COL24A1: variants seen among roughly 807,000 people sequenced by gnomAD.
COL24A1 encodes collagen type XXIV alpha 1 chain.
A neutral mutation model predicts 253.9 loss-of-function variants in COL24A1; 224 were observed. The observed-to-expected ratio is 0.88, with a 90% confidence interval of 0.79 to 0.99. COL24A1 has a LOEUF of 0.99. Ranked by LOEUF, COL24A1 falls within the 50% of genes least tolerant of loss-of-function variation. The probability of loss-of-function intolerance (pLI) is 0.00; values close to 1 mark genes in which losing one functional copy is unlikely to be tolerated. For synonymous variants in COL24A1, 685 were observed against 673.7 expected, an observed-to-expected ratio of 1.02 and a Z score of -0.26; for missense variants, 2,131 against 2,068.5, an observed-to-expected ratio of 1.03 and a Z score of -0.59.
At chr1:86,048,432 AC>A (rs761297879) in intron 11 of COL24A1, among the ~76,000 whole-genome samples, 11 of 152,200 alleles carry the variant, frequency 7.2e-5, no homozygotes, top group Admixed American at 2.6e-4. Flanking sequence ...AGGACACAGT[AC>A]CCGTGAGGGG....
intron 22 of COL24A1, among the ~76,000 whole-genome samples, chr1:85,969,420 C>T (rs1317618692): frequency 6.6e-6 from 1 of 151,704 alleles, no homozygotes; most frequent in Non-Finnish European, 1.5e-5. Flanking sequence ...GCCTGATCAA[C>T]ATGGTAAAAC....
At chr1:85,996,160 G>C (rs1277810736) in intron 19 of COL24A1, among the ~76,000 whole-genome samples, 1 of 152,118 alleles carries the variant, frequency 6.6e-6, no homozygotes, top group Non-Finnish European at 1.5e-5. Context: ...TGTTTCAGAT[G>C]CTCCTTTTTG....
chr1:85,868,130 A>T (rs1679998356), intron 37 of COL24A1, among the ~76,000 whole-genome samples: 2 of 152,210 alleles, frequency 1.3e-5, no homozygotes, highest in Admixed American at 1.3e-4. Flanking sequence ...AACAAAATTC[A>T]GGATCAGATC....
At chr1:86,126,304 T>A in intron 2 of COL24A1, 90 bp from the exon 3 acceptor site, 3 of 1,193,740 alleles carry the variant, frequency 2.5e-6, no homozygotes, top group Non-Finnish European at 3.5e-6. Context: ...AAAATCTTCC[T>A]TGTAGCAACA....
intron 12 of COL24A1, among the ~76,000 whole-genome samples, chr1:86,036,898 C>A (rs1057500310): frequency 6.6e-6 from 1 of 152,112 alleles, no homozygotes; most frequent in Non-Finnish European, 1.5e-5. Context: ...AATACTCTCA[C>A]GTTGCCAAAG....
intron 1 of COL24A1, chr1:86,156,025 T>C (rs1337528809): frequency 3.8e-6 from 1 of 266,442 alleles, no homozygotes; most frequent in African/African-American, 2.2e-5. Context: ...GCCAGAGAGA[T>C]CGTCGGAGCC....
In COL24A1 at chr1:86,142,926, G is replaced by T. The variant is rs72945787; in HGVS notation, c.121+3193C>A. Among the ~76,000 whole-genome samples the T allele has an allele frequency of 1.7e-3, 256 of 152,172 alleles. 1 individual carries two copies. Among genetic ancestry groups the T allele is most frequent in the African/African-American group, 5.7e-3 (238 of 41,516 alleles). The stretch of plus-strand genomic sequence containing the variant: ...AAGGGATTAAAAGGGAAATTAAAAG[G>T]TCACATATAAAGGATCAAGAATTAA... On this transcript the variant is annotated intron_variant, in intron 2 of 59. Coordinates refer to ENST00000370571, the MANE Select transcript of COL24A1 (RefSeq NM_152890.7).
At chr1:86,117,100 T>G (rs1341946025) in intron 3 of COL24A1, among the ~76,000 whole-genome samples, 1 of 152,228 alleles carries the variant, frequency 6.6e-6, no homozygotes, top group Non-Finnish European at 1.5e-5. Flanking sequence ...AAGTTTTCTT[T>G]AAAAATGTCT....
intron 51 of COL24A1, among the ~76,000 whole-genome samples, chr1:85,782,520 A>C (rs1229884570): frequency 6.8e-6 from 1 of 147,398 alleles, no homozygotes; most frequent in Non-Finnish European, 1.5e-5. Flanking sequence ...TATGCAATAA[A>C]AGATGATGAG....
chr1:85,732,815 T>C (rs1258850735), intron 59 of COL24A1, among the ~76,000 whole-genome samples: 1 of 152,220 alleles, frequency 6.6e-6, no homozygotes, highest in African/African-American at 2.4e-5. Flanking sequence ...ATTAATGTAA[T>C]GCATGGTCAC....
chr1:86,152,710 T>A (rs1357402259), intron 1 of COL24A1, among the ~76,000 whole-genome samples: 23 of 152,166 alleles, frequency 1.5e-4, no homozygotes, highest in Admixed American at 1.5e-3. Flanking sequence ...GAAAAATACA[T>A]CTAAACTAGT....
At chr1:86,023,272 A>G (rs1697727784) in intron 14 of COL24A1, among the ~76,000 whole-genome samples, 1 of 152,126 alleles carries the variant, frequency 6.6e-6, no homozygotes, top group South Asian at 2.1e-4. Context: ...CTCCTATAAT[A>G]CTGTCCATGA....
chr1:85,742,629 C>A (rs1187718525), intron 57 of COL24A1, among the ~76,000 whole-genome samples: 1 of 152,024 alleles, frequency 6.6e-6, no homozygotes, highest in East Asian at 1.9e-4. Context: ...GTAAATATAT[C>A]CAAAATTTTA....
intron 53 of COL24A1, among the ~76,000 whole-genome samples, chr1:85,770,705 A>G (rs964935560): frequency 6.6e-6 from 1 of 152,218 alleles, no homozygotes; most frequent in Non-Finnish European, 1.5e-5. Flanking sequence ...TCTCTGCTGA[A>G]GAAGTGGCCC....
chr1:86,059,907 C>T (rs1700952210), intron 8 of COL24A1, among the ~76,000 whole-genome samples: 1 of 152,120 alleles, frequency 6.6e-6, no homozygotes, highest in Non-Finnish European at 1.5e-5. Context: ...CAAAAGATAG[C>T]CCCCACCAGA....
Position 85,754,500 on chromosome 1 carries a change from C to A in COL24A1, c.4437+6896G>T, listed in dbSNP as rs564911677. Among the ~76,000 whole-genome samples the A allele has an allele frequency of 2.0e-3, 178 of 90,896 alleles. 1 individual carries two copies. Among genetic ancestry groups the A allele is most frequent in the Non-Finnish European group, 3.1e-3 (150 of 47,932 alleles). 59.6% of individuals were successfully genotyped at this position (90,896 alleles called of 152,430 possible). On this transcript the variant is annotated intron_variant, in intron 55 of 59. Transcript: ENST00000370571. ...CATGTATACATATGTAACTAACCTG[C>A]ACAATGTGCACATGTACCCTAAAAC...
chr1:85,998,584 G>A (rs1283521361), intron 19 of COL24A1, among the ~76,000 whole-genome samples: 3 of 152,052 alleles, frequency 2.0e-5, no homozygotes, highest in Non-Finnish European at 4.4e-5. Flanking sequence ...ATTCTTCATT[G>A]GTCCCTTGCA....
intron 12 of COL24A1, among the ~76,000 whole-genome samples, chr1:86,037,295 T>C (rs1354040588): frequency 6.6e-6 from 1 of 152,194 alleles, no homozygotes; most frequent in Admixed American, 6.6e-5. Context: ...ATGACTTGCT[T>C]CATCTAACAA....
intron 3 of COL24A1, among the ~76,000 whole-genome samples, chr1:86,118,240 T>C (rs10873749): frequency 0.76 from 114,992 of 151,624 alleles, 43,596 homozygotes; most frequent in Middle Eastern, 0.86. Flanking sequence ...TTTTTTTGTA[T>C]TTTTAGTAGA....
Sources: gnomAD v4.1 joint callset for allele counts (sites outside exome capture counted in the v4.1 genomes callset) on GRCh38, gnomAD v4.1.1 for gene constraint, MANE v1.5 for transcripts, NCBI Gene and HGNC (gene_info 2026-07-23, HGNC 2026-07-21) for gene names.